Variants in PLA2G5 observed in about 807,000 individuals in gnomAD.
PLA2G5 encodes phospholipase A2 group V.
Under a neutral mutation model 15.9 loss-of-function variants are expected in PLA2G5, and 12 were observed. The ratio of observed to expected loss-of-function variants is 0.76; its 90% confidence interval spans 0.48 to 1.23. The LOEUF (loss-of-function observed/expected upper bound fraction) is 1.23. Among genes scored for constraint, PLA2G5 ranks in the 50% most tolerant of loss-of-function variants. The pLI is 0.00. For missense variants in PLA2G5, 169 were observed against 177.1 expected (o/e 0.95, Z 0.26); for synonymous variants, 71 against 71.4 (o/e 0.99, Z 0.03).
intron 1 of PLA2G5, among the ~76,000 whole-genome samples, chr1:20,039,783 A>G (rs187887503): frequency 6.6e-6 from 1 of 152,322 alleles, no homozygotes; most frequent in Non-Finnish European, 1.5e-5. Flanking sequence ...AGGTAGTTCA[A>G]GAATTGCAGG....
At chr1:20,029,168 A>G (rs1459458369) in intron 1 of PLA2G5, among the ~76,000 whole-genome samples, 1 of 152,152 alleles carries the variant, frequency 6.6e-6, no homozygotes, top group East Asian at 1.9e-4. Flanking sequence ...CTCTCAGCAG[A>G]TGTGGAAACC....
intron 1 of PLA2G5, among the ~76,000 whole-genome samples, chr1:20,036,747 C>A (rs576366268): frequency 6.6e-6 from 1 of 152,320 alleles, no homozygotes; most frequent in African/African-American, 2.4e-5. Flanking sequence ...CTCACTGCAA[C>A]CTCTGCCTCC....
Position 20,041,425 on chromosome 1 carries a change from G to A in PLA2G5, n.276+12716G>A, listed in dbSNP as rs138940426. 4.1e-3 allele frequency among the ~76,000 whole-genome samples: 622 copies of A among 152,288 alleles called. 10 individuals are homozygous for A. The highest frequency in any genetic ancestry group is 0.014 in the African/African-American group (583 of 41,564). On this transcript the variant is annotated intron_variant and non_coding_transcript_variant, in intron 1 of 6. Transcript: ENST00000460175. ...GGGCAGTTTTATAGGATTTGGATAG[G>A]TAGTGGAAAATCTATTTTAAGTATT...
chr1:20,050,036 C>T (rs560381439), intron 1 of PLA2G5, among the ~76,000 whole-genome samples: 73 of 152,192 alleles, frequency 4.8e-4, no homozygotes, highest in African/African-American at 1.5e-3. Context: ...TTTTCTTTTG[C>T]CTTTTGGTAA....
At chr1:20,049,275 TA>T (rs1330578994) in intron 1 of PLA2G5, among the ~76,000 whole-genome samples, 2 of 152,114 alleles carry the variant, frequency 1.3e-5, no homozygotes, top group Non-Finnish European at 2.9e-5. Context: ...GGATTTATTT[TA>T]AAAAGCTTTT....
intron 1 of PLA2G5, among the ~76,000 whole-genome samples, chr1:20,045,521 G>T (rs112530457): frequency 0.097 from 14,820 of 152,080 alleles, 1,109 homozygotes; most frequent in African/African-American, 0.22. Flanking sequence ...ACCAGAAAAG[G>T]AAAGGAACTG....
At chr1:20,056,640 C>A (rs2014447943) in intron 1 of PLA2G5, among the ~76,000 whole-genome samples, 1 of 152,038 alleles carries the variant, frequency 6.6e-6, no homozygotes, top group African/African-American at 2.4e-5. Context: ...AGGACTTTTG[C>A]ATTTATGTTT....
chr1:20,084,598 C>T (rs2016191945), intron 1 of PLA2G5, among the ~76,000 whole-genome samples: 1 of 152,140 alleles, frequency 6.6e-6, no homozygotes, highest in Admixed American at 6.5e-5. Context: ...GTGGTAGGGA[C>T]AGTGTCCCTG....
chr1:20,088,145 G>A (rs1052909850), intron 3 of PLA2G5, among the ~76,000 whole-genome samples: 2 of 152,174 alleles, frequency 1.3e-5, no homozygotes, highest in Non-Finnish European at 2.9e-5. Context: ...ATGACCTGAG[G>A]TCGGGAGTTT....
chr1:20,066,943 T>C (rs1237400768), upstream of PLA2G5, among the ~76,000 whole-genome samples: 1 of 152,120 alleles, frequency 6.6e-6, no homozygotes. Flanking sequence ...TAGTTCGAGA[T>C]GGTAGTGAGC....
chr1:20,033,019 G>T (rs1405876562), intron 1 of PLA2G5, among the ~76,000 whole-genome samples: 2 of 152,170 alleles, frequency 1.3e-5, no homozygotes, highest in Admixed American at 6.5e-5. Flanking sequence ...CCCCTTTTCT[G>T]CCAGATTAAG....
rs967512806 is a variant in PLA2G5 at position 20,083,669 on chromosome 1, TGA to T, written c.-10-1148_-10-1147del. ...AGGAGTGAAGCCAAGGGCTCTGGCC[TGA>T]GAGGTAGAGCATGAGAAGGAACAAA... is the stretch of plus-strand genomic sequence containing the variant. On this transcript the variant is annotated intron_variant, in intron 1 of 4. Transcript: ENST00000375108. 1.5e-3 allele frequency among the ~76,000 whole-genome samples: 223 copies of T among 151,924 alleles called. 6 individuals are homozygous for T. The highest frequency in any genetic ancestry group is 5.1e-3 in the African/African-American group (210 of 41,242).
chr1:20,077,852 C>T lies in PLA2G5; in HGVS notation c.-10-6969C>T, dbSNP rs116660296. ...TGTGCTTTCTCCTGGTTGCTGTATT[C>T]AGTCATTCCTTCATTAAGCATTGTT... On this transcript the variant is annotated intron_variant, in intron 1 of 4. Coordinates refer to ENST00000375108, the MANE Select transcript of PLA2G5 (RefSeq NM_000929.3). 2.5e-3 allele frequency among the ~76,000 whole-genome samples: 377 copies of T among 152,300 alleles called. 1 individual carries two copies. The highest frequency in any genetic ancestry group is 8.7e-3 in the African/African-American group (361 of 41,550).
chr1:20,048,466 T>C (rs937242387), intron 1 of PLA2G5, among the ~76,000 whole-genome samples: 16 of 152,170 alleles, frequency 1.1e-4, no homozygotes, highest in Non-Finnish European at 1.6e-4. Context: ...AAATAAGACA[T>C]TGATATTTGT....
intron 1 of PLA2G5, among the ~76,000 whole-genome samples, chr1:20,073,991 G>A (rs750026384): frequency 4.6e-5 from 7 of 152,174 alleles, no homozygotes; most frequent in Non-Finnish European, 7.3e-5. Context: ...AGGCACATGA[G>A]CCATAAACAA....
chr1:20,086,414 T>C (rs533625207), intron 3 of PLA2G5, among the ~76,000 whole-genome samples, 187 bp downstream of exon 3: 1 of 152,348 alleles, frequency 6.6e-6, no homozygotes, highest in East Asian at 1.9e-4. Flanking sequence ...TGGTCAACTG[T>C]GGCGTAACAA....
intron 1 of PLA2G5, among the ~76,000 whole-genome samples, chr1:20,052,462 T>C (rs2014222860): frequency 6.6e-6 from 1 of 152,222 alleles, no homozygotes; most frequent in South Asian, 2.1e-4. Flanking sequence ...CTTTCATACC[T>C]GATGCATGGA....
upstream of PLA2G5, among the ~76,000 whole-genome samples, chr1:20,068,355 T>C (rs2015161147): frequency 6.6e-6 from 1 of 151,780 alleles, no homozygotes. Flanking sequence ...AAAATATTGT[T>C]AAACTCATGT....
intron 1 of PLA2G5, among the ~76,000 whole-genome samples, chr1:20,055,618 A>G (rs112519342): frequency 6.6e-6 from 1 of 152,050 alleles, no homozygotes; most frequent in African/African-American, 2.4e-5. Flanking sequence ...TTACTCTGGG[A>G]ATTGGAGACA....
Sources: allele counts gnomAD v4.1 joint callset (sites outside exome capture counted in the v4.1 genomes callset), GRCh38; gene constraint gnomAD v4.1.1; transcripts MANE v1.5; gene names NCBI Gene and HGNC (gene_info 2026-07-23, HGNC 2026-07-21).